The following KATNIP variants were observed in gnomAD, a reference collection of about 807,000 sequenced individuals.
KATNIP encodes katanin-interacting protein.
A neutral mutation model predicts 174.0 loss-of-function variants in KATNIP; 126 were observed. The ratio of observed to expected loss-of-function variants is 0.72; its 90% CI spans 0.63 to 0.84. The LOEUF is 0.84. KATNIP is among the 40% of genes least tolerant of loss of function. KATNIP has a pLI of 0.00. For missense variants in KATNIP, 1,958 were observed against 2,109.7 expected (o/e 0.93, Z 1.41); for synonymous variants, 810 against 835.7 (o/e 0.97, Z 0.53).
intron 19 of KATNIP, among the ~76,000 whole-genome samples, chr16:27,763,619 C>CA (rs565418198): frequency 0.023 from 1,171 of 50,672 alleles, 16 homozygotes; most frequent in South Asian, 0.082. Context: ...TGTCTCAACA[C>CA]AAAAAAAAAA....
intron 3 of KATNIP, among the ~76,000 whole-genome samples, chr16:27,622,605 G>C (rs1455649396): frequency 6.6e-6 from 1 of 152,142 alleles, no homozygotes. Context: ...TTGCTCTCCA[G>C]GTCCAAGAAT....
rs2082527988 is a variant in KATNIP, at chr16:27,777,134, A to G, written c.4551+105A>G. ...GTTTGATTTACTTCTCTCTGTTGCAACCCTCAACACAAATGCCTGGTCGTC... is the reference window on the plus strand; with the variant it reads ...GTTTGATTTACTTCTCTCTGTTGCAGCCCTCAACACAAATGCCTGGTCGTC... On this transcript the variant is annotated intron_variant, in intron 25 of 27. Coordinates refer to ENST00000261588, the MANE Select transcript of KATNIP (RefSeq NM_015202.5). This position sits in a 1 kb window ranked among gnomAD's most constrained non-coding sequence, Gnocchi z 4.4. 1 of 761,148 alleles carries G rather than the reference A, an allele frequency of 1.3e-6. No individual in the cohort carries two copies. The highest frequency in any genetic ancestry group is 2.3e-6 in the Non-Finnish European group (1 of 436,806). 47.1% of individuals were successfully genotyped at this position (761,148 alleles called of 1,614,324 possible). A position where few individuals can be genotyped will look rare whatever the true frequency, so the allele number is the denominator to read the frequency against.
chr16:27,575,238 T>A (rs987419046), intron 2 of KATNIP, among the ~76,000 whole-genome samples: 1 of 152,198 alleles, frequency 6.6e-6, no homozygotes, highest in Admixed American at 6.5e-5. Context: ...GGCTACTTCT[T>A]GAAGGATGAC....
chr16:27,738,021 G>A (rs1320595260), intron 14 of KATNIP, among the ~76,000 whole-genome samples: 2 of 152,162 alleles, frequency 1.3e-5, no homozygotes, highest in Non-Finnish European at 2.9e-5. Flanking sequence ...CGGGGACAGT[G>A]ACACTCAGAG....
chr16:27,775,911 C>T (rs561728901), intron 24 of KATNIP, among the ~76,000 whole-genome samples: 12 of 152,312 alleles, frequency 7.9e-5, no homozygotes, highest in African/African-American at 2.9e-4. Flanking sequence ...TAGACCCCCC[C>T]TATTGAGCGT....
chr16:27,682,361 T>C (rs1226199867), intron 8 of KATNIP, among the ~76,000 whole-genome samples: 2 of 152,214 alleles, frequency 1.3e-5, no homozygotes, highest in Non-Finnish European at 2.9e-5. Context: ...GACGAGGAAC[T>C]GAGGCACACA....
In KATNIP at chr16:27,754,246, G is replaced by C. The variant is rs1240208969; in HGVS notation, c.3626G>C (p.Gly1209Ala). 2 of 1,613,644 alleles carry C rather than the reference G, an allele frequency of 1.2e-6. No homozygotes were observed. Among genetic ancestry groups the C allele is most frequent in the South Asian group, 2.2e-5 (2 of 91,070 alleles). The change falls in exon 18 of 28, where the codon GGA (glycine) becomes GCA (alanine). Residue 1209 changes from glycine to alanine, a missense_variant. Physicochemically the swap from Gly to Ala is moderately conservative, Grantham distance 60. Around this residue, in one of 3 missense-constraint regions of KATNIP, gnomAD observed 1,557 missense variants for 1,617.8 expected, o/e 0.96. Transcript: ENST00000261588. ...ACGCCAGAGCCAGGCATCTACCACGGAATCTGTGAGTAGCTCTCCTGGAGC... is the reference window on the plus strand; with the variant it reads ...ACGCCAGAGCCAGGCATCTACCACGCAATCTGTGAGTAGCTCTCCTGGAGC... ...VTTPEPGIYH[G>A]ICLQLNFTAS... is the part of the protein sequence containing the mutation.
At chr16:27,742,104 A>C (rs2081132453) in intron 15 of KATNIP, among the ~76,000 whole-genome samples, 1 of 151,844 alleles carries the variant, frequency 6.6e-6, no homozygotes. Flanking sequence ...GCAGTAGATG[A>C]TTAGATGGTC....
intron 14 of KATNIP, 43 bp downstream of exon 14, chr16:27,721,738 G>T: frequency 6.2e-7 from 1 of 1,601,628 alleles, no homozygotes; most frequent in South Asian, 1.1e-5. Context: ...CTGGGTTGAT[G>T]GAAGCACTTA....
chr16:27,623,749 C>T (rs576936523), intron 3 of KATNIP, among the ~76,000 whole-genome samples: 4 of 152,238 alleles, frequency 2.6e-5, no homozygotes, highest in South Asian at 2.1e-4. Flanking sequence ...CTGAGATGAC[C>T]GAGATCTGGA....
chr16:27,683,017 G>C (rs903910483), intron 8 of KATNIP, among the ~76,000 whole-genome samples: 8 of 152,168 alleles, frequency 5.3e-5, no homozygotes, highest in African/African-American at 1.9e-4. Flanking sequence ...GGACTTCTCA[G>C]CTTCTATAAC....
At chr16:27,647,810 G>C (rs991676457) in intron 5 of KATNIP, among the ~76,000 whole-genome samples, 1 of 152,018 alleles carries the variant, frequency 6.6e-6, no homozygotes, top group Non-Finnish European at 1.5e-5. Flanking sequence ...CCGCCACCTG[G>C]TTAATTTTTT....
intron 6 of KATNIP, among the ~76,000 whole-genome samples, chr16:27,669,841 T>TG (rs1030441575): frequency 6.6e-6 from 1 of 152,076 alleles, no homozygotes; most frequent in African/African-American, 2.4e-5. Context: ...GAATTTTTTT[T>TG]TTGTTTCATT....
intron 6 of KATNIP, among the ~76,000 whole-genome samples, chr16:27,661,474 C>T (rs1167676085): frequency 6.6e-6 from 1 of 152,072 alleles, no homozygotes; most frequent in Non-Finnish European, 1.5e-5. Flanking sequence ...TCACTGCAAC[C>T]TCCGCCTCCC....
At position 27,684,623 on chromosome 16, in the gene KATNIP, A is replaced by G. The variant is rs1051106450; in HGVS notation, c.940+3093A>G. On this transcript the variant is annotated intron_variant, in intron 8 of 27. Transcript: ENST00000261588. Reference sequence around the variant, plus strand: ...AGAGTGGCTTAAGCAATGGAAACGTATCATCTCACAGTTCTCAAGGCTCCA... The same window carrying G: ...AGAGTGGCTTAAGCAATGGAAACGTGTCATCTCACAGTTCTCAAGGCTCCA... 5.3e-5 allele frequency among the ~76,000 whole-genome samples: 8 copies of G among 152,256 alleles called. No individual in the cohort carries two copies. The East Asian group carries it at 1.3e-3, about 26-fold the overall frequency.
chr16:27,595,270 A>G (rs2075301089), intron 2 of KATNIP, among the ~76,000 whole-genome samples: 1 of 152,292 alleles, frequency 6.6e-6, no homozygotes, highest in Admixed American at 6.5e-5. Context: ...ACCTGTAATC[A>G]TAACTACTCA....
intron 3 of KATNIP, 101 bp from the exon 4 acceptor site, chr16:27,628,560 A>G: frequency 7.8e-7 from 1 of 1,274,702 alleles, no homozygotes; most frequent in Non-Finnish European, 1.1e-6. Flanking sequence ...CTCTGATTAG[A>G]GACGCTTCAC....
intron 16 of KATNIP, 84 bp downstream of exon 16, chr16:27,750,390 A>T: frequency 7.7e-7 from 1 of 1,295,590 alleles, no homozygotes; most frequent in Non-Finnish European, 1.1e-6. Flanking sequence ...CCAGCTGGCT[A>T]GCCAACAACA....
intron 24 of KATNIP, 111 bp downstream of exon 24, chr16:27,775,195 C>G (rs1597433087): frequency 7.6e-7 from 1 of 1,324,318 alleles, no homozygotes; most frequent in East Asian, 2.5e-5. Flanking sequence ...TAATCTCAAG[C>G]CAAGATGCTT....
Sources: allele counts gnomAD v4.1 joint callset (sites outside exome capture counted in the v4.1 genomes callset), GRCh38; gene constraint gnomAD v4.1.1; regional missense constraint gnomAD v4.1.1; non-coding constraint Gnocchi (gnomAD v3.1); transcripts MANE v1.5; gene names NCBI Gene and HGNC (gene_info 2026-07-23, HGNC 2026-07-21).